The following NSMCE2 variants were observed in gnomAD, a reference collection of about 807,000 sequenced individuals.
NSMCE2 encodes the protein E3 SUMO-protein ligase NSE2.
A neutral mutation model predicts 23.8 loss-of-function variants in NSMCE2; 24 were observed. The observed-to-expected ratio is 1.01, with a 90% CI of 0.73 to 1.42. NSMCE2 has a LOEUF of 1.42. Among genes scored for constraint, NSMCE2 ranks in the 40% most tolerant of loss-of-function variants. The pLI is 0.00. For missense variants in NSMCE2, 284 were observed against 296.5 expected (o/e 0.96, Z 0.31); for synonymous variants, 92 against 94.1 (o/e 0.98, Z 0.13).
intron 5 of NSMCE2, among the ~76,000 whole-genome samples, chr8:125,304,424 G>A (rs773795952): frequency 2.6e-5 from 4 of 152,120 alleles, no homozygotes; most frequent in Non-Finnish European, 4.4e-5. Context: ...TCAGTGCCCC[G>A]TGATGTATGT....
At chr8:125,332,139 T>G (rs1829904851) in intron 5 of NSMCE2, among the ~76,000 whole-genome samples, 1 of 152,180 alleles carries the variant, frequency 6.6e-6, no homozygotes, top group African/African-American at 2.4e-5. Context: ...TAAATTTTAT[T>G]TATTATCCTC....
intron 4 of NSMCE2, among the ~76,000 whole-genome samples, chr8:125,151,952 A>G (rs1821055212): frequency 1.3e-5 from 2 of 152,206 alleles, no homozygotes; most frequent in Non-Finnish European, 2.9e-5. Flanking sequence ...ATACCTGTGT[A>G]ATAGGATGTC....
At chr8:125,341,509 G>A (rs1830243251) in intron 5 of NSMCE2, among the ~76,000 whole-genome samples, 1 of 152,084 alleles carries the variant, frequency 6.6e-6, no homozygotes, top group Admixed American at 6.6e-5. Context: ...ACCCTGCCTT[G>A]CCCTTTCAGG....
chr8:125,191,949 G>A (rs1197605480), intron 5 of NSMCE2, among the ~76,000 whole-genome samples: 1 of 152,124 alleles, frequency 6.6e-6, no homozygotes, highest in African/African-American at 2.4e-5. Flanking sequence ...TAGCAAATAC[G>A]TTCACAAGGA....
At chr8:125,293,202 T>C (rs1828184711) in intron 5 of NSMCE2, among the ~76,000 whole-genome samples, 3 of 152,176 alleles carry the variant, frequency 2.0e-5, no homozygotes, top group African/African-American at 7.2e-5. Flanking sequence ...GTCCGGGAAA[T>C]AGGATGCTGC....
At chr8:125,153,056 C>CAAAAAAA (rs768246218) in intron 4 of NSMCE2, among the ~76,000 whole-genome samples, 9 of 47,454 alleles carry the variant, frequency 1.9e-4, no homozygotes, top group East Asian at 7.3e-4. Context: ...GACTCCGTCT[C>CAAAAAAA]AAAAAAAAAA....
intron 5 of NSMCE2, among the ~76,000 whole-genome samples, chr8:125,260,437 T>C (rs1160006128): frequency 6.6e-6 from 1 of 151,880 alleles, no homozygotes; most frequent in East Asian, 1.9e-4. Flanking sequence ...TATATCTCTA[T>C]ACTTTCGTGT....
At chr8:125,218,126 A>T (rs1251290345) in intron 5 of NSMCE2, among the ~76,000 whole-genome samples, 1 of 152,188 alleles carries the variant, frequency 6.6e-6, no homozygotes, top group Non-Finnish European at 1.5e-5. Context: ...GTTAATTATA[A>T]ATAGAAGTTC....
At chr8:125,284,304 C>T (rs1201819118) in intron 5 of NSMCE2, among the ~76,000 whole-genome samples, 1 of 151,978 alleles carries the variant, frequency 6.6e-6, no homozygotes, top group Non-Finnish European at 1.5e-5. Flanking sequence ...ATTAGACTTG[C>T]TTTGGAAGAG....
At chr8:125,363,785 G>C (rs1037139451) in intron 7 of NSMCE2, among the ~76,000 whole-genome samples, 3 of 152,118 alleles carry the variant, frequency 2.0e-5, no homozygotes, top group East Asian at 1.9e-4. Flanking sequence ...TTTTAAACTA[G>C]TGTAAAACAT....
chr8:125,131,486 A>C (rs983229335), intron 3 of NSMCE2, among the ~76,000 whole-genome samples: 1 of 152,176 alleles, frequency 6.6e-6, no homozygotes, highest in African/African-American at 2.4e-5. Flanking sequence ...GCAGATCTCA[A>C]ATATAAGGCC....
intron 5 of NSMCE2, among the ~76,000 whole-genome samples, chr8:125,261,205 C>G (rs554185930): frequency 1.4e-4 from 21 of 152,142 alleles, no homozygotes; most frequent in Non-Finnish European, 2.8e-4. Flanking sequence ...TTGACAATCA[C>G]TATTATGCTG....
At chr8:125,267,003 C>CTTTTTTTTTTT (rs35990794) in intron 5 of NSMCE2, among the ~76,000 whole-genome samples, 38 of 111,986 alleles carry the variant, frequency 3.4e-4, no homozygotes, top group East Asian at 5.2e-4. Context: ...TTTTTTCTTT[C>CTTTTTTTTTTT]TTTTTTTTTT....
intron 5 of NSMCE2, among the ~76,000 whole-genome samples, chr8:125,301,469 T>C (rs532270830): frequency 6.6e-6 from 1 of 152,000 alleles, no homozygotes; most frequent in African/African-American, 2.4e-5. Context: ...TACATGGAGG[T>C]GGCGGTGGGG....
intron 5 of NSMCE2, among the ~76,000 whole-genome samples, chr8:125,185,704 A>G (rs972010488): frequency 6.6e-5 from 10 of 152,374 alleles, no homozygotes; most frequent in African/African-American, 2.2e-4. Flanking sequence ...AAGAATTCTA[A>G]AAATATTAAC....
At chr8:125,193,497 G>C (rs528822294) in intron 5 of NSMCE2, among the ~76,000 whole-genome samples, 1 of 152,300 alleles carries the variant, frequency 6.6e-6, no homozygotes, top group African/African-American at 2.4e-5. Context: ...ACTGCTGGTT[G>C]TAGCATTATG....
At chr8:125,132,087 A>T (rs995499855) in intron 3 of NSMCE2, among the ~76,000 whole-genome samples, 1 of 152,088 alleles carries the variant, frequency 6.6e-6, no homozygotes, top group Non-Finnish European at 1.5e-5. Flanking sequence ...GTGTATTCAT[A>T]TTCTTCTTCT....
chr8:125,334,083 T>C (rs1829986104), intron 5 of NSMCE2, among the ~76,000 whole-genome samples: 1 of 152,180 alleles, frequency 6.6e-6, no homozygotes, highest in African/African-American at 2.4e-5. Context: ...ACTGTAGAGA[T>C]AATAACTCCT....
rs193301218 is a variant in NSMCE2, at chr8:125,345,880, G to C, written c.419-11339G>C. ...TGCTTAGAAGGCCATGGTCAGCCAG[G>C]CATGGTGGTTCATGCCTGTAATCCC... On this transcript the variant is annotated intron_variant, in intron 5 of 7. Coordinates refer to ENST00000287437, the MANE Select transcript of NSMCE2 (RefSeq NM_173685.4). Among the ~76,000 whole-genome samples, 342 of 152,348 alleles carry C rather than the reference G, an allele frequency of 2.2e-3. 1 individual carries two copies. Among genetic ancestry groups the C allele is most frequent in the African/African-American group, 6.9e-3 (286 of 41,584 alleles).
Sources: allele counts gnomAD v4.1 joint callset (sites outside exome capture counted in the v4.1 genomes callset), GRCh38; gene constraint gnomAD v4.1.1; transcripts MANE v1.5; gene names NCBI Gene and HGNC (gene_info 2026-07-23, HGNC 2026-07-21).